GNAT3: variants seen among roughly 807,000 people sequenced by gnomAD.
GNAT3 encodes G protein subunit alpha transducin 3.
Under a neutral mutation model 37.7 loss-of-function variants are expected in GNAT3, and 31 were observed. That is an observed-to-expected ratio of 0.82 (90% CI 0.62 to 1.11). The LOEUF (loss-of-function observed/expected upper bound fraction) is 1.11, where lower values mean the gene tolerates loss of function less well. GNAT3 is among the 50% of genes most tolerant of loss of function. The pLI is 0.00. For synonymous variants in GNAT3, 138 were observed against 139.8 expected (o/e 0.99, Z 0.09); for missense variants, 437 against 412.5 (o/e 1.06, Z -0.51).
rs540279900 is a variant in GNAT3, at chr7:80,491,102, G to A, written c.162-2426C>T. 1.5e-3 allele frequency among the ~76,000 whole-genome samples: 230 copies of A among 152,252 alleles called. 1 individual carries two copies. The highest frequency in any genetic ancestry group is 2.7e-3 in the Non-Finnish European group (183 of 68,006). Reference sequence around the variant, plus strand: ...GGATAATGCAATGAAGGGAAGAGAAGGGAGGTAGAAGCTCCTTAGGAAGAT... The same window carrying A: ...GGATAATGCAATGAAGGGAAGAGAAAGGAGGTAGAAGCTCCTTAGGAAGAT... On this transcript the variant is annotated intron_variant, in intron 2 of 7. Coordinates refer to ENST00000398291, the MANE Select transcript of GNAT3 (RefSeq NM_001102386.3).
intron 7 of GNAT3, among the ~76,000 whole-genome samples, chr7:80,459,766 A>C (rs147877600): frequency 1.3e-5 from 2 of 152,348 alleles, no homozygotes; most frequent in Non-Finnish European, 2.9e-5. Context: ...CTTTATTGTA[A>C]CTAGAAACAA....
At chr7:80,461,495 G>A (rs1790049935) in intron 7 of GNAT3, among the ~76,000 whole-genome samples, 1 of 152,046 alleles carries the variant, frequency 6.6e-6, no homozygotes. Context: ...GCTACAGCCT[G>A]AGCGACAGAG....
intron 5 of GNAT3, among the ~76,000 whole-genome samples, chr7:80,473,713 C>A (rs896448101): frequency 6.6e-6 from 1 of 152,040 alleles, no homozygotes. Context: ...AGGAAGCTCT[C>A]GATAATATAA....
chr7:80,478,018 C>A (rs538683869), intron 4 of GNAT3, among the ~76,000 whole-genome samples: 1 of 152,188 alleles, frequency 6.6e-6, no homozygotes, highest in Non-Finnish European at 1.5e-5. Flanking sequence ...TCAAGCAATC[C>A]TTCTGTCTCA....
chr7:80,478,500 A>G (rs1443740712), intron 4 of GNAT3, among the ~76,000 whole-genome samples: 1 of 152,216 alleles, frequency 6.6e-6, no homozygotes, highest in Non-Finnish European at 1.5e-5. Context: ...TGAAATGAAT[A>G]GCCCAAAACC....
Position 80,462,741 on chromosome 7 carries a change from T to C in GNAT3, c.591-110A>G, listed in dbSNP as rs1042571092. 1.2e-5 allele frequency: 8 copies of C among 694,588 alleles called. No homozygotes were observed. In the Admixed American group the frequency reaches 2.9e-4, roughly 25 times the overall value. The allele number at this position is 694,588 out of a possible 1,614,324, so 43.0% of individuals were successfully genotyped here. On this transcript the variant is annotated intron_variant, in intron 5 of 7. Coordinates refer to ENST00000398291, the MANE Select transcript of GNAT3 (RefSeq NM_001102386.3). ...GGTGATCCCCTATCTTCAAAAGGTA[T>C]TCTTTTGACTTTTATTGATTATAAA...
chr7:80,485,380 T>C (rs557323242), intron 3 of GNAT3, among the ~76,000 whole-genome samples: 1 of 152,268 alleles, frequency 6.6e-6, no homozygotes, highest in East Asian at 1.9e-4. Context: ...TGCTTACATA[T>C]GTAGATATCA....
chr7:80,499,541 C>A (rs937221011), intron 1 of GNAT3, among the ~76,000 whole-genome samples: 3 of 152,148 alleles, frequency 2.0e-5, no homozygotes, highest in African/African-American at 7.2e-5. Context: ...AGCCCCTACA[C>A]CTGGCCTTGA....
intron 5 of GNAT3, among the ~76,000 whole-genome samples, chr7:80,468,637 C>T (rs1790161345): frequency 6.6e-6 from 1 of 152,032 alleles, no homozygotes; most frequent in South Asian, 2.1e-4. Context: ...AATGGTCTAA[C>T]CAATCTTTCC....
chr7:80,508,213 T>A (rs974965225), intron 1 of GNAT3, among the ~76,000 whole-genome samples: 3 of 151,788 alleles, frequency 2.0e-5, no homozygotes, highest in African/African-American at 7.3e-5. Context: ...GAAAGCTAAT[T>A]TTTTTCCTAT....
At chr7:80,478,128 C>G (rs1268466317) in intron 4 of GNAT3, among the ~76,000 whole-genome samples, 2 of 152,220 alleles carry the variant, frequency 1.3e-5, no homozygotes, top group Admixed American at 1.3e-4. Context: ...CCAGGCTGGT[C>G]TCAAATTCCT....
At chr7:80,505,128 T>A (rs1790908207) in intron 1 of GNAT3, among the ~76,000 whole-genome samples, 1 of 152,052 alleles carries the variant, frequency 6.6e-6, no homozygotes, top group South Asian at 2.1e-4. Context: ...GGGAGAAGTG[T>A]ATCAGGAAAA....
Position 80,466,107 on chromosome 7 carries a change from C to A in GNAT3, c.591-3476G>T, listed in dbSNP as rs145782736. Among the ~76,000 whole-genome samples the A allele has an allele frequency of 2.2e-4, 33 of 152,174 alleles. No homozygotes were observed. In the East Asian group the frequency reaches 4.3e-3, roughly 20 times the overall value. ...CACCTCAGGGGGGGAAAATAAAAAACCCCTTTCCATTGCTTAATGACAAAC... is the reference window on the plus strand; with the variant it reads ...CACCTCAGGGGGGGAAAATAAAAAAACCCTTTCCATTGCTTAATGACAAAC... On this transcript the variant is annotated intron_variant, in intron 5 of 7. Transcript: ENST00000398291.
intron 4 of GNAT3, 124 bp downstream of exon 4, chr7:80,478,717 A>T: frequency 2.2e-6 from 2 of 900,752 alleles, no homozygotes; most frequent in South Asian, 1.8e-5. Flanking sequence ...TTTTTATTTT[A>T]CTCTAATAAA....
At chr7:80,504,476 G>T (rs1217874055) in intron 1 of GNAT3, among the ~76,000 whole-genome samples, 1 of 152,146 alleles carries the variant, frequency 6.6e-6, no homozygotes, top group African/African-American at 2.4e-5. Flanking sequence ...AGTGAGCATA[G>T]CATCCTTTGA....
At chr7:80,490,020 A>G (rs1437598425) in intron 2 of GNAT3, among the ~76,000 whole-genome samples, 1 of 152,160 alleles carries the variant, frequency 6.6e-6, no homozygotes, top group Non-Finnish European at 1.5e-5. Flanking sequence ...TCGTTTTTCC[A>G]GGAGATGCAT....
intron 1 of GNAT3, among the ~76,000 whole-genome samples, chr7:80,501,010 AT>A (rs1055418170): frequency 1.3e-5 from 2 of 151,956 alleles, no homozygotes; most frequent in African/African-American, 2.4e-5. Context: ...TCTTTGTCAA[AT>A]TTTGTTGTCA....
chr7:80,491,237 A>G (rs1790585640), intron 2 of GNAT3, among the ~76,000 whole-genome samples: 1 of 152,148 alleles, frequency 6.6e-6, no homozygotes, highest in Non-Finnish European at 1.5e-5. Context: ...GCTTAGCATA[A>G]CTATGCTGAG....
At chr7:80,477,562 A>C (rs1342265096) in intron 4 of GNAT3, among the ~76,000 whole-genome samples, 1 of 152,172 alleles carries the variant, frequency 6.6e-6, no homozygotes, top group Non-Finnish European at 1.5e-5. Flanking sequence ...ATAATTACAG[A>C]AAATTTTTTC....
Sources: gnomAD v4.1 joint callset for allele counts (sites outside exome capture counted in the v4.1 genomes callset) on GRCh38, gnomAD v4.1.1 for gene constraint, MANE v1.5 for transcripts, NCBI Gene and HGNC (gene_info 2026-07-23, HGNC 2026-07-21) for gene names.